BMPER: variants seen among roughly 807,000 people sequenced by gnomAD.
The protein encoded by BMPER is BMP-binding endothelial regulator protein.
Under a neutral mutation model 87.3 loss-of-function variants are expected in BMPER, and 45 were observed. The observed-to-expected ratio is 0.52, with a 90% CI of 0.41 to 0.66. BMPER has a LOEUF of 0.66. BMPER is among the 30% of genes least tolerant of loss of function. The pLI is 0.00. For missense variants in BMPER, 784 were observed against 867.5 expected (o/e 0.90, Z 1.21); for synonymous variants, 326 against 316.2 (o/e 1.03, Z -0.33).
chr7:34,124,113 T>A (rs920369076), intron 13 of BMPER, among the ~76,000 whole-genome samples: 4 of 152,156 alleles, frequency 2.6e-5, no homozygotes, highest in Admixed American at 1.3e-4. Context: ...TTAAATCTAT[T>A]TCCTGGGTTG....
At chr7:33,938,359 A>T (rs186805487) in intron 3 of BMPER, among the ~76,000 whole-genome samples, 1 of 152,250 alleles carries the variant, frequency 6.6e-6, no homozygotes, top group East Asian at 1.9e-4. Flanking sequence ...CCCTTTGCAG[A>T]TATAGTTAAT....
At chr7:33,945,247 T>C (rs969514850) in intron 3 of BMPER, among the ~76,000 whole-genome samples, 2 of 130,864 alleles carry the variant, frequency 1.5e-5, no homozygotes, top group African/African-American at 2.9e-5. Context: ...GGACTTCTTT[T>C]TTTTTTTTTT....
At chr7:34,103,976 T>C (rs1400991880) in intron 13 of BMPER, among the ~76,000 whole-genome samples, 1 of 152,242 alleles carries the variant, frequency 6.6e-6, no homozygotes, top group Non-Finnish European at 1.5e-5. Context: ...ATGCCCCATG[T>C]CATCTGACAA....
chr7:34,065,859 T>C (rs550374804), intron 11 of BMPER, among the ~76,000 whole-genome samples: 13 of 152,372 alleles, frequency 8.5e-5, no homozygotes, highest in African/African-American at 3.1e-4. Flanking sequence ...TTTATGTCTG[T>C]AAGCTACTTC....
intron 13 of BMPER, among the ~76,000 whole-genome samples, chr7:34,133,880 G>GT (rs1324075629): frequency 2.0e-5 from 3 of 152,246 alleles, no homozygotes; most frequent in African/African-American, 7.2e-5. Flanking sequence ...AAACAGTTTA[G>GT]TTTTTCCTTT....
At chr7:34,127,330 G>A (rs1790431453) in intron 13 of BMPER, among the ~76,000 whole-genome samples, 1 of 152,204 alleles carries the variant, frequency 6.6e-6, no homozygotes, top group African/African-American at 2.4e-5. Flanking sequence ...ACACAGTGGT[G>A]TGATGGAGCT....
At chr7:34,100,484 G>A (rs376198827) in intron 13 of BMPER, among the ~76,000 whole-genome samples, 2 of 152,260 alleles carry the variant, frequency 1.3e-5, no homozygotes, top group African/African-American at 4.8e-5. Flanking sequence ...CCAAAGTGCC[G>A]ACGCAGCCAA....
intron 13 of BMPER, among the ~76,000 whole-genome samples, chr7:34,097,419 G>A (rs768294938): frequency 7.2e-5 from 11 of 152,222 alleles, no homozygotes; most frequent in African/African-American, 2.4e-4. Flanking sequence ...GCACGCTGCA[G>A]TGTTTTCCAC....
chr7:34,146,831 A>G (rs1791038828), intron 14 of BMPER, among the ~76,000 whole-genome samples: 1 of 152,210 alleles, frequency 6.6e-6, no homozygotes, highest in Admixed American at 6.5e-5. Flanking sequence ...TGCTTATATT[A>G]GTGTCAACTA....
chr7:34,082,571 C>A (rs1404952423), intron 12 of BMPER, among the ~76,000 whole-genome samples: 1 of 152,032 alleles, frequency 6.6e-6, no homozygotes, highest in African/African-American at 2.4e-5. Context: ...ACAAATTATT[C>A]TCTTACTTTG....
chr7:33,972,755 C>T (rs553958508), intron 5 of BMPER, among the ~76,000 whole-genome samples: 1 of 152,314 alleles, frequency 6.6e-6, no homozygotes, highest in East Asian at 1.9e-4. Flanking sequence ...GTGCCACCCA[C>T]CAGCCCCCTG....
chr7:34,129,590 G>GAGAGAGAGAA (rs1554322638), intron 13 of BMPER, among the ~76,000 whole-genome samples: 12 of 128,788 alleles, frequency 9.3e-5, no homozygotes, highest in South Asian at 8.5e-4. Flanking sequence ...GAGAGAGAGA[G>GAGAGAGAGAA]AGAGAGAGAG....
At chr7:34,098,760 T>C (rs1478586993) in intron 13 of BMPER, among the ~76,000 whole-genome samples, 1 of 152,188 alleles carries the variant, frequency 6.6e-6, no homozygotes, top group Non-Finnish European at 1.5e-5. Flanking sequence ...ATTTTGTCTT[T>C]GTGATCAAAG....
rs554291547 is a variant in BMPER at position 34,046,511 on chromosome 7, T to G, written c.676+106T>G. On this transcript the variant is annotated intron_variant, in intron 7 of 14. Transcript: ENST00000649409. ...TTTGAGATTCTCAAGTTGTCCTATT[T>G]CGTGGCTTGTTAGAGACAACTCCCT... is the stretch of plus-strand genomic sequence containing the variant. The G allele has an allele frequency of 9.9e-4, 1,212 of 1,218,746 alleles. 1 individual carries two copies. Among genetic ancestry groups the G allele is most frequent in the Non-Finnish European group, 1.3e-3 (1,090 of 827,674 alleles). The allele number at this position is 1,218,746 out of a possible 1,614,324, so 75.5% of individuals were successfully genotyped here.
At chr7:33,905,248 G>C, upstream of BMPER, 6 of 340,962 alleles carry the variant, frequency 1.8e-5, no homozygotes, top group South Asian at 1.6e-4. Flanking sequence ...GCAGTCGGCA[G>C]CGCCGCAGCT....
intron 13 of BMPER, among the ~76,000 whole-genome samples, chr7:34,138,390 A>G (rs916609550): frequency 6.6e-6 from 1 of 152,174 alleles, no homozygotes; most frequent in African/African-American, 2.4e-5. Context: ...ACACACAAAC[A>G]TCAAACATTG....
At chr7:33,988,346 G>C (rs1469197688) in intron 6 of BMPER, among the ~76,000 whole-genome samples, 1 of 152,090 alleles carries the variant, frequency 6.6e-6, no homozygotes, top group Non-Finnish European at 1.5e-5. Context: ...TTTGTTATTA[G>C]GTTTTCAGCA....
At chr7:33,907,028 A>T in intron 2 of BMPER, 125 bp downstream of exon 2, 1 of 934,868 alleles carries the variant, frequency 1.1e-6, no homozygotes, top group Non-Finnish European at 1.7e-6. Flanking sequence ...ACATAACTGT[A>T]CATAGTTTGT....
intron 2 of BMPER, among the ~76,000 whole-genome samples, chr7:33,917,647 A>C (rs1784118163): frequency 6.6e-6 from 1 of 152,238 alleles, no homozygotes; most frequent in South Asian, 2.1e-4. Flanking sequence ...GATGGTACCC[A>C]GAGTCACTTC....
Sources: gnomAD v4.1 joint callset for allele counts (sites outside exome capture counted in the v4.1 genomes callset) on GRCh38, gnomAD v4.1.1 for gene constraint, MANE v1.5 for transcripts, NCBI Gene and HGNC (gene_info 2026-07-23, HGNC 2026-07-21) for gene names.